ATR: variants seen among roughly 807,000 people sequenced by gnomAD.
The protein encoded by ATR is serine/threonine-protein kinase ATR.
ATR carries 142 observed loss-of-function variants against 305.3 expected under a neutral mutation model. The ratio of observed to expected loss-of-function variants is 0.47; its 90% confidence interval spans 0.41 to 0.53. ATR has a LOEUF of 0.53. Ranked by LOEUF, ATR falls within the 20% of genes least tolerant of loss-of-function variation. The probability of loss-of-function intolerance (pLI) is 0.00; values close to 1 mark genes in which losing one functional copy is unlikely to be tolerated. For missense variants in ATR, 2,135 were observed against 3,133.1 expected, an observed-to-expected ratio of 0.68 and a Z score of 7.60; for synonymous variants, 1,050 against 1,068.1, an observed-to-expected ratio of 0.98 and a Z score of 0.33.
intron 28 of ATR, 146 bp downstream of exon 28, chr3:142,507,785 T>C (rs1050853457): frequency 2.6e-6 from 2 of 759,164 alleles, no homozygotes; most frequent in Non-Finnish European, 4.2e-6. Flanking sequence ...ACTTAAAATA[T>C]TATACCAAAT....
Position 142,466,221 on chromosome 3 carries a change from C to T in ATR, c.6897+103G>A, listed in dbSNP as rs931649732. ...CTGTATTTCCAATTATTTTTCTTCA[C>T]AAATAAGATTCACGTAGATTTTGTG... is the stretch of plus-strand genomic sequence containing the variant. On this transcript the variant is annotated intron_variant, in intron 40 of 46. Transcript: ENST00000350721. The T allele has an allele frequency of 4.7e-6, 6 of 1,285,016 alleles. No individual in the cohort carries two copies. The African/African-American group carries it at 6.0e-5, about 13-fold the overall frequency. The allele number at this position is 1,285,016 out of a possible 1,614,324, so 79.6% of individuals were successfully genotyped here. A position where few individuals can be genotyped will look rare whatever the true frequency, so the allele number is the denominator to read the frequency against.
At chr3:142,476,008 G>A (rs1275183742) in intron 36 of ATR, among the ~76,000 whole-genome samples, 1 of 152,308 alleles carries the variant, frequency 6.6e-6, no homozygotes, top group African/African-American at 2.4e-5. Context: ...TTCGTCAGAT[G>A]AGTAGATTGC....
intron 42 of ATR, 84 bp from the exon 43 acceptor site, chr3:142,459,467 A>T (rs1577497561): frequency 6.9e-7 from 1 of 1,441,114 alleles, no homozygotes; most frequent in Non-Finnish European, 9.6e-7. Context: ...TGGACAAGAA[A>T]CATCTACTTT....
chr3:142,494,445 A>C (rs2031470723), intron 34 of ATR, among the ~76,000 whole-genome samples: 1 of 152,276 alleles, frequency 6.6e-6, no homozygotes, highest in African/African-American at 2.4e-5. Context: ...CAACAGAGGA[A>C]TATACATCAG....
Position 142,547,766 on chromosome 3 carries a change from G to A in ATR, c.3316C>T (p.Pro1106Ser), listed in dbSNP as rs1183775791. The change falls in exon 16 of 47, where the codon CCA becomes TCA. Residue 1106 changes from proline (P) to serine (S), a missense_variant. Coordinates refer to ENST00000350721, the MANE Select transcript of ATR (RefSeq NM_001184.4). ...ILASFASSDD[P>S]YQGPRDIISP... ...ATGATATCTCTCGGGCCCTGATATGGATCATCACTGGATGCAAATGAGGCA... is the reference window on the plus strand; with the variant it reads ...ATGATATCTCTCGGGCCCTGATATGAATCATCACTGGATGCAAATGAGGCA... The A allele has an allele frequency of 1.2e-6, 2 of 1,613,898 alleles. No homozygotes were observed. Among genetic ancestry groups the A allele is most frequent in the Non-Finnish European group, 1.7e-6 (2 of 1,179,918 alleles).
Position 142,527,566 on chromosome 3 carries a change from A to C in ATR, c.3946-3367T>G, listed in dbSNP as rs866548966. 2.0e-5 allele frequency among the ~76,000 whole-genome samples: 3 copies of C among 152,274 alleles called. No individual in the cohort carries two copies. In the Middle Eastern group the frequency reaches 0.01, roughly 518 times the overall value. On this transcript the variant is annotated intron_variant, in intron 21 of 46. Transcript: ENST00000350721. ...CAACAGTTTATTATTTACATATTTG[A>C]CATTTACCAATTTCGCTAGTTTTTT...
chr3:142,454,505 A>G (rs2070862552), intron 45 of ATR, among the ~76,000 whole-genome samples: 1 of 142,986 alleles, frequency 7.0e-6, no homozygotes, highest in African/African-American at 2.8e-5. Context: ...CAGTGGCGCA[A>G]TCTCGGCTCA....
Position 142,542,710 on chromosome 3 carries a change from G to A in ATR, c.3405C>T (p.Asn1135=), listed in dbSNP as rs775439522. Residue 1135 remains asparagine (N), a synonymous_variant, in exon 17 of 47, where the codon AAC becomes AAT. Transcript: ENST00000350721. ...PKLLGILAFF[N]MQLLSSSVGI... is the part of the protein sequence containing the mutation. ...CAACACTAGAGCTCAGTAACTGCAT[G>A]TTAAAAAAAGCCAAAATGCCCAACA... 6.2e-7 allele frequency: 1 copy of A among 1,613,180 alleles called. No homozygotes were observed. Among genetic ancestry groups the A allele is most frequent in the Non-Finnish European group, 8.5e-7 (1 of 1,179,618 alleles).
At chr3:142,521,036 AC>A (rs2033128170) in intron 23 of ATR, among the ~76,000 whole-genome samples, 1 of 152,210 alleles carries the variant, frequency 6.6e-6, no homozygotes, top group African/African-American at 2.4e-5. Context: ...ACGATTCCAT[AC>A]ATCCTAGGGC....
At chr3:142,559,711 C>T (rs547775549) in intron 6 of ATR, among the ~76,000 whole-genome samples, 3 of 152,136 alleles carry the variant, frequency 2.0e-5, no homozygotes, top group African/African-American at 4.8e-5. Context: ...TGAGACCAGC[C>T]GGGCCAATAT....
chr3:142,453,285 C>A, intron 45 of ATR, 52 bp from the exon 46 acceptor site: 1 of 1,572,418 alleles, frequency 6.4e-7, no homozygotes, highest in South Asian at 1.1e-5. Context: ...AAGAAGAAAT[C>A]TTGCTGACAT....
intron 35 of ATR, 24 bp from the exon 36 acceptor site, chr3:142,485,306 C>T (rs528055896): frequency 6.8e-6 from 11 of 1,613,426 alleles, no homozygotes; most frequent in South Asian, 3.3e-5. Context: ...CATAGGATAC[C>T]TACCTAAGGA....
Position 142,562,321 on chromosome 3 carries a change from AC to A in ATR, c.1080del (p.Tyr361MetfsTer12). 1 of 1,614,114 alleles carries A rather than the reference AC, an allele frequency of 6.2e-7. No individual in the cohort carries two copies. Among genetic ancestry groups the A allele is most frequent in the Non-Finnish European group, 8.5e-7 (1 of 1,180,000 alleles). ...TTCCTGACTTGTAAAGCAGATTCATACCCAGCTGGCACAAATTTAAGGAAAT... is the reference window on the plus strand; with the variant it reads ...TTCCTGACTTGTAAAGCAGATTCATACCAGCTGGCACAAATTTAAGGAAAT... ...LQYFLKFVPA[G>X]YESALQVRKV... On this transcript the variant is annotated frameshift_variant, in exon 4 of 47. Coordinates refer to ENST00000350721, the MANE Select transcript of ATR (RefSeq NM_001184.4). LOFTEE classifies it high-confidence loss of function.
chr3:142,492,557 C>G (rs1418461286), intron 35 of ATR, among the ~76,000 whole-genome samples: 5 of 152,148 alleles, frequency 3.3e-5, no homozygotes, highest in Non-Finnish European at 5.9e-5. Flanking sequence ...TTATTTCTCT[C>G]CCTACTTTTT....
intron 35 of ATR, among the ~76,000 whole-genome samples, chr3:142,492,448 G>A (rs1274338718): frequency 6.6e-6 from 1 of 152,178 alleles, no homozygotes; most frequent in Non-Finnish European, 1.5e-5. Flanking sequence ...TTCCTATGCA[G>A]ATAGGAACTA....
intron 21 of ATR, among the ~76,000 whole-genome samples, chr3:142,532,288 G>A (rs1003810064): frequency 6.6e-6 from 1 of 152,018 alleles, no homozygotes; most frequent in Admixed American, 6.6e-5. Context: ...ATGTGTAAAC[G>A]TTAGTAAATG....
intron 26 of ATR, 143 bp from the exon 27 acceptor site, chr3:142,512,613 C>T (rs2032636015): frequency 7.7e-6 from 5 of 653,330 alleles, no homozygotes; most frequent in Non-Finnish European, 1.2e-5. Flanking sequence ...GTAATCCCAG[C>T]ACTTTGGGAG....
intron 46 of ATR, chr3:142,451,699 C>T: frequency 8.4e-7 from 1 of 1,187,662 alleles, no homozygotes; most frequent in Non-Finnish European, 1.1e-6. Context: ...CCCACCTCAG[C>T]CTCCCAAGTA....
chr3:142,538,815 G>T (rs1030396950), intron 18 of ATR, among the ~76,000 whole-genome samples, 190 bp from the exon 19 acceptor site: 5 of 151,970 alleles, frequency 3.3e-5, no homozygotes, highest in African/African-American at 1.2e-4. Flanking sequence ...AGTCAAAAAA[G>T]CAAGGTGAAA....
Sources: allele counts gnomAD v4.1 joint callset (sites outside exome capture counted in the v4.1 genomes callset), GRCh38; gene constraint gnomAD v4.1.1; transcripts MANE v1.5; gene names NCBI Gene and HGNC (gene_info 2026-07-23, HGNC 2026-07-21).